Variants in SBK1 observed in about 807,000 individuals in gnomAD.
SBK1 encodes serine/threonine-protein kinase SBK1.
Under a neutral mutation model 24.4 loss-of-function variants are expected in SBK1, and 11 were observed. The observed-to-expected ratio is 0.45, with a 90% CI of 0.28 to 0.75. SBK1 has a LOEUF of 0.75. Among genes scored for constraint, SBK1 ranks in the 30% least tolerant of loss-of-function variants. The pLI is 0.12. For synonymous variants in SBK1, 308 were observed against 284.4 expected (o/e 1.08, Z -0.83); for missense variants, 467 against 620.5 (o/e 0.75, Z 2.63).
At position 28,292,792 on chromosome 16, in the gene SBK1, A is replaced by G. The variant is rs2044610017; in HGVS notation, c.-516A>G. 1 of 984,650 alleles carries G rather than the reference A, an allele frequency of 1.0e-6. No homozygotes were observed. Among genetic ancestry groups the G allele is most frequent in the Non-Finnish European group, 1.2e-6 (1 of 829,554 alleles). 61.0% of individuals were successfully genotyped at this position (984,650 alleles called of 1,614,324 possible). Reference sequence around the variant, plus strand: ...CAGGATCCGGCGAGCCTCGGGGAAGAGGGGGGGCCCTCCCGGATCCGACAC... The same window carrying G: ...CAGGATCCGGCGAGCCTCGGGGAAGGGGGGGGGCCCTCCCGGATCCGACAC... On this transcript the variant is annotated 5_prime_UTR_variant, in exon 1 of 4. Coordinates refer to ENST00000341901, the MANE Select transcript of SBK1 (RefSeq NM_001024401.3).
chr16:28,319,998 A>G lies in SBK1; in HGVS notation c.430-78A>G. On this transcript the variant is annotated intron_variant, in intron 3 of 3. Coordinates refer to ENST00000341901, the MANE Select transcript of SBK1 (RefSeq NM_001024401.3). This position sits in a 1 kb window ranked among gnomAD's most constrained non-coding sequence, Gnocchi z 4.0. ...TGGGAGGCGAAAACCGCCTTGCTAGAGAGGGAGCTGGAGGGGAGGGCGGCG... is the reference window on the plus strand; with the variant it reads ...TGGGAGGCGAAAACCGCCTTGCTAGGGAGGGAGCTGGAGGGGAGGGCGGCG... 7.3e-7 allele frequency: 1 copy of G among 1,378,136 alleles called. No homozygotes were observed. Among genetic ancestry groups the G allele is most frequent in the Non-Finnish European group, 9.4e-7 (1 of 1,059,658 alleles). The allele number at this position is 1,378,136 out of a possible 1,614,324, so 85.4% of individuals were successfully genotyped here.
intron 1 of SBK1, among the ~76,000 whole-genome samples, chr16:28,311,536 C>A (rs1305992331): frequency 2.0e-5 from 3 of 151,524 alleles, no homozygotes; most frequent in Non-Finnish European, 4.4e-5. Flanking sequence ...CATCTCTAAA[C>A]ACAAAAAATA....
rs182474598 is a variant in SBK1, at chr16:28,321,151, C to T, written c.*230C>T. On this transcript the variant is annotated 3_prime_UTR_variant, in exon 4 of 4. Transcript: ENST00000341901. The stretch of plus-strand genomic sequence containing the variant: ...GGCTTGGCCCAGAGGAGCCAAGCCG[C>T]ACAGACCCGAGAATTCGGAGGCCAC... The T allele has an allele frequency of 2.4e-3, 829 of 350,220 alleles. 10 individuals are homozygous for T. The highest frequency in any genetic ancestry group is 0.018 in the African/African-American group (786 of 44,488). 21.7% of individuals were successfully genotyped at this position (350,220 alleles called of 1,614,324 possible).
intron 1 of SBK1, among the ~76,000 whole-genome samples, chr16:28,312,979 C>G (rs1420188866): frequency 6.6e-6 from 1 of 152,160 alleles, no homozygotes; most frequent in Non-Finnish European, 1.5e-5. Context: ...ACTAAAAATA[C>G]AAAAATTAGG....
At chr16:28,305,846 C>A (rs1230841733) in intron 1 of SBK1, among the ~76,000 whole-genome samples, 7 of 152,164 alleles carry the variant, frequency 4.6e-5, no homozygotes, top group Admixed American at 3.9e-4. Context: ...CAGCCCTGAT[C>A]TTTCTTATAT....
intron 1 of SBK1, among the ~76,000 whole-genome samples, chr16:28,272,473 C>T (rs192305393): frequency 3.9e-5 from 6 of 152,182 alleles, no homozygotes; most frequent in African/African-American, 1.2e-4. Context: ...AACTATAGAA[C>T]CAAAATCTAG....
chr16:28,280,145 A>ATGTGTGTGTGTGTGTGTGTGTGTG (rs1292773760), intron 1 of SBK1, among the ~76,000 whole-genome samples: 4 of 55,288 alleles, frequency 7.2e-5, no homozygotes, highest in Non-Finnish European at 1.3e-4. Context: ...ATATATATAT[A>ATGTGTGTGTGTGTGTGTGTGTGTG]TATATGTGTG....
In SBK1 at chr16:28,319,616, C is replaced by A. The variant is rs1269125750; in HGVS notation, c.429+419C>A. Among the ~76,000 whole-genome samples the A allele has an allele frequency of 6.6e-6, 1 of 151,526 alleles. No individual in the cohort carries two copies. The highest frequency in any genetic ancestry group is 2.4e-5 in the African/African-American group (1 of 41,360). On this transcript the variant is annotated intron_variant, in intron 3 of 3. Coordinates refer to ENST00000341901, the MANE Select transcript of SBK1 (RefSeq NM_001024401.3). This position sits in a 1 kb window ranked among gnomAD's most constrained non-coding sequence, Gnocchi z 4.0. ...GCCACTTGCTGGCTGAGTGATGAGA[C>A]CTTCGGAGCAGGTCCTCCTTCTTTG...
intron 1 of SBK1, among the ~76,000 whole-genome samples, chr16:28,267,791 G>T (rs1283034519): frequency 6.6e-6 from 1 of 152,168 alleles, no homozygotes; most frequent in Non-Finnish European, 1.5e-5. Context: ...AGTACCTCTG[G>T]AAATGAGAGT....
intron 1 of SBK1, among the ~76,000 whole-genome samples, chr16:28,279,816 A>G (rs995427751): frequency 3.3e-5 from 5 of 151,902 alleles, no homozygotes; most frequent in Admixed American, 2.6e-4. Flanking sequence ...CAGTTGTCCC[A>G]CTGTGCATGG....
upstream of SBK1, among the ~76,000 whole-genome samples, chr16:28,289,769 G>GA (rs796696661): frequency 0.039 from 4,865 of 124,480 alleles, 238 homozygotes; most frequent in East Asian, 0.17. Context: ...CTCCATCTCA[G>GA]AAAAAAAAAA....
chr16:28,315,117 A>G (rs1010925003), intron 1 of SBK1, among the ~76,000 whole-genome samples: 5 of 152,170 alleles, frequency 3.3e-5, no homozygotes, highest in Non-Finnish European at 7.4e-5. Flanking sequence ...GTGCACACAC[A>G]GATACATACT....
chr16:28,281,147 TC>T (rs961736140), intron 1 of SBK1, among the ~76,000 whole-genome samples: 30 of 152,114 alleles, frequency 2.0e-4, no homozygotes, highest in African/African-American at 7.0e-4. Flanking sequence ...TGGCTGAGCC[TC>T]CATCTCTCCC....
Position 28,323,198 on chromosome 16 carries a change from G to A in SBK1, c.*2277G>A, listed in dbSNP as rs750252929. 3 of 150,840 alleles carry A rather than the reference G, an allele frequency of 2.0e-5. No homozygotes were observed. The highest frequency in any genetic ancestry group is 1.9e-4 in the East Asian group (1 of 5,236). 9.3% of individuals were successfully genotyped at this position (150,840 alleles called of 1,614,324 possible). On this transcript the variant is annotated 3_prime_UTR_variant, in exon 4 of 4. Transcript: ENST00000341901. Reference sequence around the variant, plus strand: ...GGTGCTGCCACCTCCTCTGCTGGTCGGGCTGGGACCCTTTGCCCCTTAGGA... The same window carrying A: ...GGTGCTGCCACCTCCTCTGCTGGTCAGGCTGGGACCCTTTGCCCCTTAGGA...
intron 1 of SBK1, among the ~76,000 whole-genome samples, chr16:28,302,961 TGGG>T (rs57035524): frequency 2.1e-5 from 3 of 146,252 alleles, no homozygotes; most frequent in African/African-American, 5.0e-5. Context: ...GAGCAGGGCA[TGGG>T]GGGGGGTCAG....
intron 1 of SBK1, among the ~76,000 whole-genome samples, chr16:28,298,684 C>T (rs1309242614): frequency 1.3e-5 from 2 of 152,232 alleles, no homozygotes; most frequent in Non-Finnish European, 2.9e-5. Context: ...ATGAGCTGAT[C>T]CAGGCCCAGG....
chr16:28,272,862 C>A (rs899195573), intron 1 of SBK1, among the ~76,000 whole-genome samples: 1 of 151,424 alleles, frequency 6.6e-6, no homozygotes, highest in Non-Finnish European at 1.5e-5. Flanking sequence ...CCTTGTGATC[C>A]ACCCACTTCG....
rs532042721 is a variant in SBK1, at chr16:28,304,596, T to G, written c.-8+11296T>G. ...ACACTGAGAAAATAAATGGTAATTT[T>G]TTTGTTTGTTTGTTTTTTTGTTTTT... On this transcript the variant is annotated intron_variant, in intron 1 of 3. Coordinates refer to ENST00000341901, the MANE Select transcript of SBK1 (RefSeq NM_001024401.3). 4.2e-4 allele frequency among the ~76,000 whole-genome samples: 64 copies of G among 152,220 alleles called. 1 individual carries two copies. Among genetic ancestry groups the G allele is most frequent in the South Asian group, 3.1e-3 (15 of 4,822 alleles).
In SBK1 at chr16:28,282,904, C is replaced by T. The variant is rs557534867; in HGVS notation, c.257+23402C>T. Among the ~76,000 whole-genome samples the T allele has an allele frequency of 1.9e-3, 262 of 137,672 alleles. 1 individual carries two copies. The highest frequency in any genetic ancestry group is 2.4e-3 in the Non-Finnish European group (150 of 63,212). The allele number at this position is 137,672 out of a possible 152,430, so 90.3% of individuals were successfully genotyped here. A position where few individuals can be genotyped will look rare whatever the true frequency, so the allele number is the denominator to read the frequency against. ...AGGAGACGGTGTTTAATTACTCTCG[C>T]ATTTTTATTTATTTATTTATTTATT... is the stretch of plus-strand genomic sequence containing the variant. On this transcript the variant is annotated intron_variant, in intron 1 of 3. Coordinates refer to the SBK1 transcript ENST00000671413.
Sources: allele counts gnomAD v4.1 joint callset (sites outside exome capture counted in the v4.1 genomes callset), GRCh38; gene constraint gnomAD v4.1.1; non-coding constraint Gnocchi (gnomAD v3.1); transcripts MANE v1.5; gene names NCBI Gene and HGNC (gene_info 2026-07-23, HGNC 2026-07-21).